OPCML: variants seen among roughly 807,000 people sequenced by gnomAD.
OPCML encodes the protein opioid binding protein/cell adhesion molecule like, also known as opioid-binding protein/cell adhesion molecule.
Under a neutral mutation model 37.8 loss-of-function variants are expected in OPCML, and 13 were observed. That is an observed-to-expected ratio of 0.34 (90% confidence interval 0.22 to 0.55). The LOEUF is 0.55. Among genes scored for constraint, OPCML ranks in the 20% least tolerant of loss-of-function variants. The probability of loss-of-function intolerance (pLI) is 0.91; values close to 1 mark genes in which losing one functional copy is unlikely to be tolerated. For missense variants in OPCML, 341 were observed against 435.6 expected (o/e 0.78, Z 1.93); for synonymous variants, 176 against 168.8 (o/e 1.04, Z -0.33).
intron 3 of OPCML, among the ~76,000 whole-genome samples, chr11:132,636,495 G>C (rs1411608367): frequency 6.6e-6 from 1 of 152,202 alleles, no homozygotes; most frequent in African/African-American, 2.4e-5. Context: ...CTGGCATAGG[G>C]AAGTGGATCC....
intron 3 of OPCML, among the ~76,000 whole-genome samples, chr11:132,623,288 C>A (rs1262130224): frequency 6.6e-6 from 1 of 151,820 alleles, no homozygotes; most frequent in Admixed American, 6.6e-5. Flanking sequence ...AGCTTCACTT[C>A]GCCTGGAAAT....
intron 1 of OPCML, among the ~76,000 whole-genome samples, chr11:133,135,274 G>A (rs1172108823): frequency 6.6e-6 from 1 of 152,036 alleles, no homozygotes; most frequent in Non-Finnish European, 1.5e-5. Context: ...AATTTAAGAC[G>A]GCACACTAGC....
chr11:133,388,940 A>G lies in OPCML; in HGVS notation c.61+143324T>C, dbSNP rs7104608. Among the ~76,000 whole-genome samples, 520 of 152,354 alleles carry G rather than the reference A, an allele frequency of 3.4e-3. 6 individuals carry two copies. Among genetic ancestry groups the G allele is most frequent in the African/African-American group, 0.011 (472 of 41,596 alleles). On this transcript the variant is annotated intron_variant, in intron 1 of 7. Transcript: ENST00000524381. Reference sequence around the variant, plus strand: ...CATTTGGCCCTCATATTAAGCATATATATGAGGTTCTTTCCCATCCCCATG... The same window carrying G: ...CATTTGGCCCTCATATTAAGCATATGTATGAGGTTCTTTCCCATCCCCATG...
intron 3 of OPCML, among the ~76,000 whole-genome samples, chr11:132,537,753 G>A (rs1288924070): frequency 6.6e-6 from 1 of 152,106 alleles, no homozygotes; most frequent in Non-Finnish European, 1.5e-5. Flanking sequence ...AATGAACAAA[G>A]GAGTTGCATA....
At chr11:132,669,454 G>T (rs1942363164) in intron 2 of OPCML, among the ~76,000 whole-genome samples, 1 of 152,190 alleles carries the variant, frequency 6.6e-6, no homozygotes, top group African/African-American at 2.4e-5. Context: ...CCAACCCAAG[G>T]TGACACCATT....
chr11:132,452,563 T>C (rs1406725998), intron 4 of OPCML, among the ~76,000 whole-genome samples: 1 of 150,198 alleles, frequency 6.7e-6, no homozygotes, highest in Non-Finnish European at 1.5e-5. Context: ...CTTTTTTCCT[T>C]CCTTCCTGCC....
At chr11:133,409,271 C>T (rs192783661) in intron 1 of OPCML, among the ~76,000 whole-genome samples, 71 of 152,316 alleles carry the variant, frequency 4.7e-4, no homozygotes, top group Admixed American at 3.7e-3. Context: ...TGTGAACTTA[C>T]GTCACCAAAG....
At chr11:133,358,982 T>C (rs565588927) in intron 1 of OPCML, among the ~76,000 whole-genome samples, 3 of 151,052 alleles carry the variant, frequency 2.0e-5, no homozygotes, top group Non-Finnish European at 4.4e-5. Flanking sequence ...TGATAGGAGA[T>C]GAGGGATGAT....
intron 1 of OPCML, among the ~76,000 whole-genome samples, chr11:133,404,457 C>T (rs373728795): frequency 1.4e-3 from 214 of 152,330 alleles, no homozygotes; most frequent in African/African-American, 4.9e-3. Context: ...CATGCCTCCA[C>T]CTCATGTGTT....
chr11:132,679,930 T>C (rs1160683644), intron 2 of OPCML, among the ~76,000 whole-genome samples: 1 of 152,200 alleles, frequency 6.6e-6, no homozygotes, highest in Non-Finnish European at 1.5e-5. Context: ...GGTGGAGTGG[T>C]AGGTGATGTG....
At chr11:133,294,625 T>A (rs1285572016) in intron 1 of OPCML, among the ~76,000 whole-genome samples, 1 of 151,962 alleles carries the variant, frequency 6.6e-6, no homozygotes, top group East Asian at 1.9e-4. Flanking sequence ...CACACCCCCA[T>A]TTGAAACAAC....
intron 1 of OPCML, among the ~76,000 whole-genome samples, chr11:133,249,998 C>T (rs978134580): frequency 6.6e-6 from 1 of 152,192 alleles, no homozygotes. Context: ...TAACAACCCC[C>T]AGAAACTCAA....
intron 1 of OPCML, among the ~76,000 whole-genome samples, chr11:133,390,208 C>T (rs1025003583): frequency 6.6e-6 from 1 of 152,188 alleles, no homozygotes; most frequent in African/African-American, 2.4e-5. Context: ...CCTGTAATCC[C>T]GGCACTTTTG....
chr11:133,124,851 C>A (rs1337994986), intron 1 of OPCML, among the ~76,000 whole-genome samples: 1 of 152,132 alleles, frequency 6.6e-6, no homozygotes, highest in East Asian at 1.9e-4. Flanking sequence ...AATAATCTTT[C>A]CATTCAATTT....
chr11:132,477,510 G>A (rs540222624), intron 4 of OPCML, among the ~76,000 whole-genome samples: 1 of 152,300 alleles, frequency 6.6e-6, no homozygotes, highest in African/African-American at 2.4e-5. Context: ...TACCTTCTGT[G>A]TTGGAAGCAA....
chr11:133,051,504 T>A (rs1948130987), intron 1 of OPCML, among the ~76,000 whole-genome samples: 1 of 151,972 alleles, frequency 6.6e-6, no homozygotes. Context: ...TTCCAGGAGG[T>A]TTTGCTGGGT....
At chr11:132,727,128 A>G (rs1944913748) in intron 2 of OPCML, among the ~76,000 whole-genome samples, 1 of 152,120 alleles carries the variant, frequency 6.6e-6, no homozygotes, top group African/African-American at 2.4e-5. Context: ...ATACGCATCA[A>G]TCAACTAATT....
intron 1 of OPCML, among the ~76,000 whole-genome samples, chr11:133,088,023 TAAG>T (rs1178231890): frequency 6.6e-6 from 1 of 152,146 alleles, no homozygotes; most frequent in Non-Finnish European, 1.5e-5. Flanking sequence ...AAGTGTGTAA[TAAG>T]AAGGTAAGGG....
chr11:133,190,095 G>C (rs777866842), intron 1 of OPCML, among the ~76,000 whole-genome samples: 14 of 152,210 alleles, frequency 9.2e-5, no homozygotes, highest in Non-Finnish European at 1.6e-4. Flanking sequence ...CCTACAGACA[G>C]TAGCACACAC....
Sources: gnomAD v4.1 joint callset for allele counts (sites outside exome capture counted in the v4.1 genomes callset) on GRCh38, gnomAD v4.1.1 for gene constraint, MANE v1.5 for transcripts, NCBI Gene and HGNC (gene_info 2026-07-23, HGNC 2026-07-21) for gene names.